The following HIC1 variants were observed in gnomAD, a reference collection of about 807,000 sequenced individuals.
HIC1 encodes the protein hypermethylated in cancer 1 protein.
HIC1 carries 9 observed loss-of-function variants against 26.4 expected under a neutral mutation model. That is an observed-to-expected ratio of 0.34 (90% confidence interval 0.21 to 0.59). HIC1 has a LOEUF of 0.59. Ranked by LOEUF, HIC1 falls within the 20% of genes least tolerant of loss-of-function variation. HIC1 has a pLI of 0.82. For missense variants in HIC1, 965 were observed against 1,075.7 expected, an observed-to-expected ratio of 0.90 and a Z score of 1.44; for synonymous variants, 631 against 523.1, an observed-to-expected ratio of 1.21 and a Z score of -2.81.
Position 2,061,123 on chromosome 17 carries a change from ACTGGAGAAAGTG to A in HIC1, c.*2289_*2300del, listed in dbSNP as rs1210769785. 2 of 207,972 alleles carry A rather than the reference ACTGGAGAAAGTG, an allele frequency of 9.6e-6. No individual in the cohort carries two copies. The highest frequency in any genetic ancestry group is 2.0e-5 in the Non-Finnish European group (2 of 99,824). 12.9% of individuals were successfully genotyped at this position (207,972 alleles called of 1,614,324 possible). A position where few individuals can be genotyped will look rare whatever the true frequency, so the allele number is the denominator to read the frequency against. On this transcript the variant is annotated 3_prime_UTR_variant, in exon 2 of 2. Coordinates refer to ENST00000619757, the MANE Select transcript of HIC1 (RefSeq NM_006497.4). Reference sequence around the variant, plus strand: ...AACTCAGAACCCCTGCCCTGTCTCCACTGGAGAAAGTGGCTGCGTCCCCAGGCGAGAAGGCCC... The same window carrying A: ...AACTCAGAACCCCTGCCCTGTCTCCAGCTGCGTCCCCAGGCGAGAAGGCCC...
At position 2,056,710 on chromosome 17, in the gene HIC1, C is replaced by T; in HGVS notation, c.20C>T (p.Ala7Val). Residue 7 changes from alanine (A) to valine (V), a missense_variant, in exon 2 of 2, where the codon GCG (alanine) becomes GTG (valine). Ala to Val is a moderately conservative substitution (Grantham distance 64). Transcript: ENST00000619757. MLDTME[A>V]PGHSRQLLLQ... ...CAGACGATGCTGGACACGATGGAGG[C>T]GCCCGGCCACTCCAGGCAGCTGCTG... is the stretch of plus-strand genomic sequence containing the variant. 2.5e-6 allele frequency: 4 copies of T among 1,603,924 alleles called. No homozygotes were observed. The highest frequency in any genetic ancestry group is 3.4e-6 in the Non-Finnish European group (4 of 1,174,970).
At position 2,055,991 on chromosome 17, in the gene HIC1, C is replaced by T. The variant is rs2067668542; in HGVS notation, c.-20-680C>T. On this transcript the variant is annotated intron_variant, in intron 1 of 1. Transcript: ENST00000619757. The surrounding 1 kb of genome is among the most constrained non-coding windows in gnomAD (Gnocchi z 6.4). ...CCGCCCGGGGCGCTGCCCCCTCCCT[C>T]CCCTGGGAGCTGCGTGGCTCCCCCC... Among the ~76,000 whole-genome samples the T allele has an allele frequency of 6.8e-6, 1 of 146,428 alleles. No homozygotes were observed.
At chr17:2,056,346 G>A (rs1463493787) in intron 1 of HIC1, 2 of 1,613,134 alleles carry the variant, frequency 1.2e-6, no homozygotes, top group South Asian at 2.2e-5. Flanking sequence ...ACTTAAATCG[G>A]GTAACTGTCT....
In HIC1 at chr17:2,058,928, C is replaced by T. The variant is rs2067704749; in HGVS notation, c.*93C>T. The T allele has an allele frequency of 1.8e-6, 2 of 1,132,660 alleles. No homozygotes were observed. The highest frequency in any genetic ancestry group is 2.3e-6 in the Non-Finnish European group (2 of 851,854). 70.2% of individuals were successfully genotyped at this position (1,132,660 alleles called of 1,614,324 possible). A position where few individuals can be genotyped will look rare whatever the true frequency, so the allele number is the denominator to read the frequency against. The stretch of plus-strand genomic sequence containing the variant: ...GGCGGCGCGCAGGGCCCACTGTGCC[C>T]GGGACAACCGCAGCGTCGCCACAGT... On this transcript the variant is annotated 3_prime_UTR_variant, in exon 2 of 2. Transcript: ENST00000619757.
rs201035745 is a variant in HIC1 at position 2,056,367 on chromosome 17, C to T, written c.-20-304C>T. On this transcript the variant is annotated intron_variant, in intron 1 of 1. Coordinates refer to ENST00000619757, the MANE Select transcript of HIC1 (RefSeq NM_006497.4). ...ATCGGGTAACTGTCTCCAAAAGGGTCACTGCGCCTGAACAGTTTTCTTCTC... is the reference window on the plus strand; with the variant it reads ...ATCGGGTAACTGTCTCCAAAAGGGTTACTGCGCCTGAACAGTTTTCTTCTC... 2.7e-4 allele frequency: 439 copies of T among 1,610,432 alleles called. No homozygotes were observed. The African/African-American group carries it at 4.2e-3, about 15-fold the overall frequency.
Position 2,058,518 on chromosome 17 carries a change from G to C in HIC1, c.1828G>C (p.Gly610Arg), listed in dbSNP as rs1481725451. The C allele has an allele frequency of 7.3e-6, 11 of 1,498,388 alleles. No individual in the cohort carries two copies. Among genetic ancestry groups the C allele is most frequent in the South Asian group, 1.3e-5 (1 of 77,032 alleles). The allele number at this position is 1,498,388 out of a possible 1,614,324, so 92.8% of individuals were successfully genotyped here. ...CGCGGCCGGGGCGCTGGCGGGCTTG[G>C]GGGGGCTCCCCGGCGTCCCCGGCCC... ...AGAAGALAGL[G>R]GLPGVPGPDG... Residue 610 changes from glycine (G) to arginine (R), a missense_variant, in exon 2 of 2, where the codon GGG becomes CGG. Gly to Arg is a moderately radical substitution (Grantham distance 125, BLOSUM62 -2). Coordinates refer to ENST00000619757, the MANE Select transcript of HIC1 (RefSeq NM_006497.4).
In HIC1 at chr17:2,056,699, C is replaced by T; in HGVS notation, c.9C>T (p.Asp3=). Residue 3 remains aspartate (D), a synonymous_variant, in exon 2 of 2, where the codon GAC becomes GAT. Coordinates refer to ENST00000619757, the MANE Select transcript of HIC1 (RefSeq NM_006497.4). ML[D]TMEAPGHSRQ... The stretch of plus-strand genomic sequence containing the variant: ...AGTGTGCTGGGCAGACGATGCTGGA[C>T]ACGATGGAGGCGCCCGGCCACTCCA... The T allele has an allele frequency of 6.3e-7, 1 of 1,598,858 alleles. No individual in the cohort carries two copies. The highest frequency in any genetic ancestry group is 1.3e-5 in the African/African-American group (1 of 74,762).
At position 2,058,553 on chromosome 17, in the gene HIC1, G is replaced by C; in HGVS notation, c.1863G>C (p.Lys621Asn). 1.9e-6 allele frequency: 3 copies of C among 1,541,066 alleles called. No homozygotes were observed. Among genetic ancestry groups the C allele is most frequent in the Non-Finnish European group, 1.7e-6 (2 of 1,151,128 alleles). Reference protein sequence around the residue: ...GLPGVPGPDGKGKLDFPEGVF... With the variant: ...GLPGVPGPDGNGKLDFPEGVF... ...CCGGCGTCCCCGGCCCCGACGGCAA[G>C]GGCAAGCTCGACTTCCCCGAGGGCG... is the stretch of plus-strand genomic sequence containing the variant. The change falls in exon 2 of 2, where the codon AAG becomes AAC. Residue 621 changes from lysine to asparagine, a missense_variant. Lys to Asn is a moderately conservative substitution (Grantham distance 94, BLOSUM62 0). Coordinates refer to ENST00000619757, the MANE Select transcript of HIC1 (RefSeq NM_006497.4).
In HIC1 at chr17:2,059,121, G is replaced by T. The variant is rs2067707478; in HGVS notation, c.*286G>T. 2.8e-5 allele frequency: 10 copies of T among 356,046 alleles called. No homozygotes were observed. Among genetic ancestry groups the T allele is most frequent in the Non-Finnish European group, 4.7e-5 (9 of 190,328 alleles). 22.1% of individuals were successfully genotyped at this position (356,046 alleles called of 1,614,324 possible). ...CAGGCCCCTCCCGCCTCTTCCTGTG[G>T]TTCGTCGGCCCCCTCCCCCGGCTCC... On this transcript the variant is annotated 3_prime_UTR_variant, in exon 2 of 2. Coordinates refer to ENST00000619757, the MANE Select transcript of HIC1 (RefSeq NM_006497.4).
Position 2,058,959 on chromosome 17 carries a change from C to G in HIC1, c.*124C>G, listed in dbSNP as rs1162554354. 4 of 895,142 alleles carry G rather than the reference C, an allele frequency of 4.5e-6. No homozygotes were observed. In the South Asian group the frequency reaches 9.8e-5, roughly 22 times the overall value. 55.4% of individuals were successfully genotyped at this position (895,142 alleles called of 1,614,324 possible). A position where few individuals can be genotyped will look rare whatever the true frequency, so the allele number is the denominator to read the frequency against. On this transcript the variant is annotated 3_prime_UTR_variant, in exon 2 of 2. Coordinates refer to ENST00000619757, the MANE Select transcript of HIC1 (RefSeq NM_006497.4). ...AACCGCAGCGTCGCCACAGTGGCGG[C>G]TCCACCTCTCGGCGGCCTCACCTGG... is the stretch of plus-strand genomic sequence containing the variant.
chr17:2,058,486 CGGCCGGCGCGGCCGGGGCGCTGGCG>C lies in HIC1; in HGVS notation c.1800_1824del (p.Gly601TrpfsTer33). On this transcript the variant is annotated frameshift_variant, in exon 2 of 2. Coordinates refer to ENST00000619757, the MANE Select transcript of HIC1 (RefSeq NM_006497.4). LOFTEE classifies it high-confidence loss of function. ...ATGAAGATGCACGCCGTGGGGGGCG[CGGCCGGCGCGGCCGGGGCGCTGGCG>C]GGCTTGGGGGGGCTCCCCGGCGTCC... 1 of 1,475,888 alleles carries C rather than the reference CGGCCGGCGCGGCCGGGGCGCTGGCG, an allele frequency of 6.8e-7. No homozygotes were observed. Among genetic ancestry groups the C allele is most frequent in the Non-Finnish European group, 8.9e-7 (1 of 1,122,762 alleles). 91.4% of individuals were successfully genotyped at this position (1,475,888 alleles called of 1,614,324 possible).
chr17:2,061,432 T>A lies in HIC1; in HGVS notation c.*2597T>A. 1 of 1,484,350 alleles carries A rather than the reference T, an allele frequency of 6.7e-7. No homozygotes were observed. The highest frequency in any genetic ancestry group is 2.0e-5 in the Admixed American group (1 of 49,670). 91.9% of individuals were successfully genotyped at this position (1,484,350 alleles called of 1,614,324 possible). A position where few individuals can be genotyped will look rare whatever the true frequency, so the allele number is the denominator to read the frequency against. ...CACGTGGGCATCTTCCGTGCTACAC[T>A]GGGCGCCTGGTGGCCTTTCAGGAAC... On this transcript the variant is annotated 3_prime_UTR_variant, in exon 2 of 2. Transcript: ENST00000619757.
chr17:2,061,517 A>T lies in HIC1; in HGVS notation c.*2682A>T. The T allele has an allele frequency of 6.4e-7, 1 of 1,574,252 alleles. No individual in the cohort carries two copies. Among genetic ancestry groups the T allele is most frequent in the Non-Finnish European group, 8.6e-7 (1 of 1,160,078 alleles). On this transcript the variant is annotated 3_prime_UTR_variant, in exon 2 of 2. Coordinates refer to ENST00000619757, the MANE Select transcript of HIC1 (RefSeq NM_006497.4). ...TCAGCCCACCTGGGCCCACGTGAGG[A>T]AGGCTGGGATGTCCCGTACAGGAAC...
In HIC1 at chr17:2,058,760, C is replaced by G. The variant is rs558063195; in HGVS notation, c.2070C>G (p.Ala690=). ...AELGLSPDKA[A]EVLSQGAHLA... ...TGGGCCTCAGCCCCGACAAGGCGGC[C>G]GAGGTGCTGAGCCAGGGCGCTCACC... Residue 690 remains alanine, a synonymous_variant, in exon 2 of 2, where the codon GCC becomes GCG. Coordinates refer to ENST00000619757, the MANE Select transcript of HIC1 (RefSeq NM_006497.4). 1.3e-6 allele frequency: 2 copies of G among 1,524,522 alleles called. No homozygotes were observed. Among genetic ancestry groups the G allele is most frequent in the Admixed American group, 2.0e-5 (1 of 49,414 alleles). The allele number at this position is 1,524,522 out of a possible 1,614,324, so 94.4% of individuals were successfully genotyped here.
rs1490464696 is a variant in HIC1 at position 2,055,853 on chromosome 17, C to CGGGGGAGCCGCGGAG, written c.-21+618_-21+632dup. Among the ~76,000 whole-genome samples the CGGGGGAGCCGCGGAG allele has an allele frequency of 1.3e-5, 2 of 150,262 alleles. No individual in the cohort carries two copies. Among genetic ancestry groups the CGGGGGAGCCGCGGAG allele is most frequent in the African/African-American group, 4.9e-5 (2 of 41,018 alleles). The stretch of plus-strand genomic sequence containing the variant: ...GGCGGAGTTCCGGGGGAGAAGGGGC[C>CGGGGGAGCCGCGGAG]GGGGGAGCCGCGGAGGGAGGCGCCG... On this transcript the variant is annotated intron_variant, in intron 1 of 1. Transcript: ENST00000619757. This position sits in a 1 kb window ranked among gnomAD's most constrained non-coding sequence, Gnocchi z 6.4.
chr17:2,057,027 G>A lies in HIC1; in HGVS notation c.337G>A (p.Ala113Thr), dbSNP rs867279568. Residue 113 changes from alanine (A) to threonine (T), a missense_variant, in exon 2 of 2, where the codon GCC becomes ACC. By Grantham distance (58) the Ala-to-Thr change is moderately conservative. This residue lies in a region of HIC1 where 526 missense variants were observed against 525.0 expected (regional missense o/e 1.00). Coordinates refer to ENST00000619757, the MANE Select transcript of HIC1 (RefSeq NM_006497.4). ...GCCGAGCCTGGGCGCCGTGCTGGCC[G>A]CCGCCAGCTACCTGCAGATCCCCGA... ...AEPSLGAVLAAASYLQIPDLV... is the reference protein window; with the variant it reads ...AEPSLGAVLATASYLQIPDLV... The A allele has an allele frequency of 3.4e-6, 5 of 1,486,662 alleles. No individual in the cohort carries two copies. Among genetic ancestry groups the A allele is most frequent in the South Asian group, 1.3e-5 (1 of 75,462 alleles). The allele number at this position is 1,486,662 out of a possible 1,614,324, so 92.1% of individuals were successfully genotyped here.
rs1286064763 is a variant in HIC1, at chr17:2,058,771, G to C, written c.2081G>C (p.Ser694Thr). The change falls in exon 2 of 2, where the codon AGC becomes ACC. Residue 694 changes from serine to threonine, a missense_variant. Coordinates refer to ENST00000619757, the MANE Select transcript of HIC1 (RefSeq NM_006497.4). ...LSPDKAAEVLSQGAHLAAGPD... is the reference protein window; with the variant it reads ...LSPDKAAEVLTQGAHLAAGPD... ...CCCGACAAGGCGGCCGAGGTGCTGAGCCAGGGCGCTCACCTGGCGGCCGGG... is the reference window on the plus strand; with the variant it reads ...CCCGACAAGGCGGCCGAGGTGCTGACCCAGGGCGCTCACCTGGCGGCCGGG... 3 of 1,518,370 alleles carry C rather than the reference G, an allele frequency of 2.0e-6. No individual in the cohort carries two copies. Among genetic ancestry groups the C allele is most frequent in the Non-Finnish European group, 2.6e-6 (3 of 1,138,656 alleles). 94.1% of individuals were successfully genotyped at this position (1,518,370 alleles called of 1,614,324 possible). A position where few individuals can be genotyped will look rare whatever the true frequency, so the allele number is the denominator to read the frequency against.
chr17:2,058,328 C>G lies in HIC1; in HGVS notation c.1638C>G (p.Cys546Trp), dbSNP rs2067695292. ...ACCTGGGCCTCAAGCCCTTCGCGTGCGACGCGTGCGGCATGCGGTTCACGC... is the reference window on the plus strand; with the variant it reads ...ACCTGGGCCTCAAGCCCTTCGCGTGGGACGCGTGCGGCATGCGGTTCACGC... ...RSHLGLKPFACDACGMRFTRQ... is the reference protein window; with the variant it reads ...RSHLGLKPFAWDACGMRFTRQ... Residue 546 changes from cysteine (C) to tryptophan (W), a missense_variant, in exon 2 of 2, where the codon TGC (cysteine) becomes TGG (tryptophan). Physicochemically the swap from Cys to Trp is radical, Grantham distance 215 (BLOSUM62 -2). Transcript: ENST00000619757. 6.2e-7 allele frequency: 1 copy of G among 1,609,078 alleles called. No homozygotes were observed. Among genetic ancestry groups the G allele is most frequent in the African/African-American group, 1.3e-5 (1 of 74,982 alleles).
Position 2,061,467 on chromosome 17 carries a change from G to GGA in HIC1, c.*2633_*2634insAG. 1 of 1,559,670 alleles carries GGA rather than the reference G, an allele frequency of 6.4e-7. No homozygotes were observed. The highest frequency in any genetic ancestry group is 8.7e-7 in the Non-Finnish European group (1 of 1,151,430). ...GTGGCCTTTCAGGAACGGTTCCACG[G>GGA]GGGGGGGGCCCCAGTGTGGCTCCCT... On this transcript the variant is annotated 3_prime_UTR_variant, in exon 2 of 2. Coordinates refer to ENST00000619757, the MANE Select transcript of HIC1 (RefSeq NM_006497.4).
Sources: allele counts gnomAD v4.1 joint callset (sites outside exome capture counted in the v4.1 genomes callset), GRCh38; gene constraint gnomAD v4.1.1; regional missense constraint gnomAD v4.1.1; non-coding constraint Gnocchi (gnomAD v3.1); transcripts MANE v1.5; gene names NCBI Gene and HGNC (gene_info 2026-07-23, HGNC 2026-07-21).